The following SIPA1L1 variants were observed in gnomAD, a reference collection of about 807,000 sequenced individuals.
SIPA1L1 encodes signal induced proliferation associated 1 like 1.
A neutral mutation model predicts 162.7 loss-of-function variants in SIPA1L1; 26 were observed. The ratio of observed to expected loss-of-function variants is 0.16; its 90% CI spans 0.12 to 0.22. The LOEUF (loss-of-function observed/expected upper bound fraction) is 0.22. Ranked by LOEUF, SIPA1L1 falls within the 10% of genes least tolerant of loss-of-function variation. The pLI, the probability that SIPA1L1 is intolerant of heterozygous loss-of-function variation, is 1.00. For missense variants in SIPA1L1, 1,874 were observed against 2,241.0 expected (o/e 0.84, Z 3.31); for synonymous variants, 829 against 837.4 (o/e 0.99, Z 0.17).
At chr14:71,331,261 C>G (rs762881410) in intron 2 of SIPA1L1, among the ~76,000 whole-genome samples, 1 of 152,070 alleles carries the variant, frequency 6.6e-6, no homozygotes, top group Non-Finnish European at 1.5e-5. Flanking sequence ...GTCTCTTTGT[C>G]TGTTTTTATG....
rs74060360 is a variant in SIPA1L1, at chr14:71,488,900, T to C, written c.-464-23843T>C. On this transcript the variant is annotated intron_variant, in intron 2 of 23. Coordinates refer to ENST00000381232, the MANE Select transcript of SIPA1L1 (RefSeq NM_001386936.1). ...CTCGGAAATTGGTTTTCCCAAACCA[T>C]CTTAGTGGAGAATGGCCTGCTTTTA... 6.2e-3 allele frequency among the ~76,000 whole-genome samples: 952 copies of C among 152,336 alleles called. 14 individuals are homozygous for C. Among genetic ancestry groups the C allele is most frequent in the African/African-American group, 0.022 (919 of 41,574 alleles).
Position 71,588,989 on chromosome 14 carries a change from T to G in SIPA1L1, c.1117T>G (p.Ser373Ala), listed in dbSNP as rs1381965080. The change falls in exon 5 of 24, where the codon TCT becomes GCT. Residue 373 changes from serine to alanine, a missense_variant. Ser to Ala is a moderately conservative substitution (Grantham distance 99). This residue lies in a region of SIPA1L1 where 685 missense variants were observed against 828.0 expected (regional missense o/e 0.83). Transcript: ENST00000381232. This position sits in a 1 kb window ranked among gnomAD's most constrained non-coding sequence, Gnocchi z 4.3. Reference sequence around the variant, plus strand: ...CGCAGCTGCCGTGGCATCCTTGGTCTCTGGACCTCTGTCTCATTCAGCCAG... The same window carrying G: ...CGCAGCTGCCGTGGCATCCTTGGTCGCTGGACCTCTGTCTCATTCAGCCAG... ...ASAAAVASLV[S>A]GPLSHSASFS... The G allele has an allele frequency of 2.0e-5, 33 of 1,614,006 alleles. No homozygotes were observed. The highest frequency in any genetic ancestry group is 2.7e-5 in the African/African-American group (2 of 74,940).
intron 17 of SIPA1L1, among the ~76,000 whole-genome samples, chr14:71,720,418 T>C (rs1180409044): frequency 6.6e-6 from 1 of 151,982 alleles, no homozygotes; most frequent in Non-Finnish European, 1.5e-5. Context: ...CTGTCTCTAC[T>C]AAAAATACAA....
At chr14:71,407,075 C>G (rs2042075690) in intron 2 of SIPA1L1, among the ~76,000 whole-genome samples, 2 of 152,074 alleles carry the variant, frequency 1.3e-5, no homozygotes, top group South Asian at 4.1e-4. Context: ...AACCCTGCCT[C>G]TACTAAAAAT....
At chr14:71,439,251 G>C (rs2044646627) in intron 2 of SIPA1L1, among the ~76,000 whole-genome samples, 1 of 152,134 alleles carries the variant, frequency 6.6e-6, no homozygotes, top group Non-Finnish European at 1.5e-5. Flanking sequence ...ATGTGCTGCA[G>C]ACAGGAGGGG....
rs1291513418 is a variant in SIPA1L1 at position 71,627,967 on chromosome 14, A to C, written c.1818+3731A>C. On this transcript the variant is annotated intron_variant, in intron 7 of 23. Transcript: ENST00000381232. ...TTTCTAACTAGGAATTCAGTGTAGA[A>C]TATTGGAATATTCTGATGCTTAAAA... 4.6e-5 allele frequency among the ~76,000 whole-genome samples: 7 copies of C among 152,180 alleles called. No individual in the cohort carries two copies. The South Asian group carries it at 6.2e-4, about 14-fold the overall frequency.
chr14:71,516,430 A>G (rs1387326563), intron 3 of SIPA1L1, among the ~76,000 whole-genome samples: 4 of 152,094 alleles, frequency 2.6e-5, no homozygotes, highest in Non-Finnish European at 5.9e-5. Flanking sequence ...TTTGTTACCC[A>G]TGCTGGAGTG....
chr14:71,595,028 G>A (rs984947387), intron 5 of SIPA1L1, among the ~76,000 whole-genome samples: 1 of 152,182 alleles, frequency 6.6e-6, no homozygotes, highest in African/African-American at 2.4e-5. Flanking sequence ...TCAGCTGCAA[G>A]CGTGGCTCAG....
At chr14:71,718,308 A>G (rs2083422841) in intron 17 of SIPA1L1, among the ~76,000 whole-genome samples, 1 of 152,206 alleles carries the variant, frequency 6.6e-6, no homozygotes, top group Non-Finnish European at 1.5e-5. Context: ...TGAATTGTTC[A>G]TTTGTTTCTC....
chr14:71,393,352 G>C (rs2040918964), intron 2 of SIPA1L1, among the ~76,000 whole-genome samples: 1 of 152,230 alleles, frequency 6.6e-6, no homozygotes, highest in Non-Finnish European at 1.5e-5. Flanking sequence ...ATTTGAAAGT[G>C]CAGGAAATCT....
chr14:71,353,447 G>T (rs1277337700), intron 2 of SIPA1L1, among the ~76,000 whole-genome samples: 1 of 152,208 alleles, frequency 6.6e-6, no homozygotes, highest in African/African-American at 2.4e-5. Context: ...GAGATGAGCT[G>T]AGAGAGGCAT....
intron 2 of SIPA1L1, among the ~76,000 whole-genome samples, chr14:71,432,011 A>G (rs1244304988): frequency 6.6e-6 from 1 of 151,956 alleles, no homozygotes; most frequent in Non-Finnish European, 1.5e-5. Flanking sequence ...AATGGTAATC[A>G]GTTGAGTGGG....
intron 5 of SIPA1L1, among the ~76,000 whole-genome samples, chr14:71,609,237 T>C (rs1244308137): frequency 6.6e-6 from 1 of 152,084 alleles, no homozygotes; most frequent in Non-Finnish European, 1.5e-5. Context: ...AACAGTTTAG[T>C]GAAGCCTACG....
At chr14:71,328,508 T>G (rs2034098094) in intron 2 of SIPA1L1, among the ~76,000 whole-genome samples, 1 of 152,230 alleles carries the variant, frequency 6.6e-6, no homozygotes, top group African/African-American at 2.4e-5. Context: ...TTTTATATAA[T>G]TTTTAGATCT....
At position 71,614,070 on chromosome 14, in the gene SIPA1L1, C is replaced by T. The variant is rs144160724; in HGVS notation, c.1499-4687C>T. Among the ~76,000 whole-genome samples, 722 of 152,116 alleles carry T rather than the reference C, an allele frequency of 4.7e-3. 5 individuals carry two copies. Among genetic ancestry groups the T allele is most frequent in the Non-Finnish European group, 7.8e-3 (528 of 67,982 alleles). On this transcript the variant is annotated intron_variant, in intron 5 of 23. Transcript: ENST00000381232. ...GAAAAATTAGCTAGGCGTGGTGGCA[C>T]GTGCCTGTAGTCCCAGCTACTCAGG...
intron 2 of SIPA1L1, among the ~76,000 whole-genome samples, chr14:71,467,852 T>TAAAAA (rs11394096): frequency 2.9e-5 from 4 of 135,766 alleles, no homozygotes; most frequent in East Asian, 2.1e-4. Flanking sequence ...CCCCATCTCT[T>TAAAAA]AAAAAAAAAA....
chr14:71,590,616 C>G (rs1261073869), intron 5 of SIPA1L1, among the ~76,000 whole-genome samples: 1 of 152,160 alleles, frequency 6.6e-6, no homozygotes, highest in Admixed American at 6.5e-5. Context: ...ACATCCATGT[C>G]TCATTCCTAC....
chr14:71,648,339 A>G (rs2042346757), intron 7 of SIPA1L1, among the ~76,000 whole-genome samples: 1 of 152,196 alleles, frequency 6.6e-6, no homozygotes, highest in African/African-American at 2.4e-5. Context: ...TCTATGCACA[A>G]TGCAAAGGCT....
In SIPA1L1 at chr14:71,741,120, A is replaced by G. The variant is rs1455496108; in HGVS notation, c.*1959A>G. The G allele has an allele frequency of 6.6e-6, 1 of 152,120 alleles. No individual in the cohort carries two copies. Among genetic ancestry groups the G allele is most frequent in the Admixed American group, 6.5e-5 (1 of 15,274 alleles). 9.4% of individuals were successfully genotyped at this position (152,120 alleles called of 1,614,324 possible). On this transcript the variant is annotated 3_prime_UTR_variant, in exon 24 of 24. Coordinates refer to ENST00000381232, the MANE Select transcript of SIPA1L1 (RefSeq NM_001386936.1). ...ACTCATTGACCCTCCTTGCATCCGA[A>G]TTTTTTCATCAAGCTTTGTTAACAC... is the stretch of plus-strand genomic sequence containing the variant.
Sources: allele counts gnomAD v4.1 joint callset (sites outside exome capture counted in the v4.1 genomes callset), GRCh38; gene constraint gnomAD v4.1.1; regional missense constraint gnomAD v4.1.1; non-coding constraint Gnocchi (gnomAD v3.1); transcripts MANE v1.5; gene names NCBI Gene and HGNC (gene_info 2026-07-23, HGNC 2026-07-21).